PTDSS1: variants seen among roughly 807,000 people sequenced by gnomAD.
PTDSS1 encodes PSS-1.
A neutral mutation model predicts 70.5 loss-of-function variants in PTDSS1; 45 were observed. That is an observed-to-expected ratio of 0.64 (90% CI 0.50 to 0.82). The LOEUF (loss-of-function observed/expected upper bound fraction) is 0.82, where lower values mean the gene tolerates loss of function less well. PTDSS1 is among the 40% of genes least tolerant of loss of function. The probability of loss-of-function intolerance (pLI) is 0.00; values close to 1 mark genes in which losing one functional copy is unlikely to be tolerated. For synonymous variants in PTDSS1, 188 were observed against 203.8 expected, an observed-to-expected ratio of 0.92 and a Z score of 0.66; for missense variants, 417 against 586.1, an observed-to-expected ratio of 0.71 and a Z score of 2.98.
chr8:96,327,551 G>A (rs1294501487), intron 10 of PTDSS1, among the ~76,000 whole-genome samples: 1 of 152,128 alleles, frequency 6.6e-6, no homozygotes, highest in East Asian at 1.9e-4. Flanking sequence ...CAATAAGAGA[G>A]CTTCAAGTTA....
chr8:96,272,072 G>T (rs1468480773), intron 1 of PTDSS1, among the ~76,000 whole-genome samples: 1 of 151,936 alleles, frequency 6.6e-6, no homozygotes, highest in Admixed American at 6.6e-5. Flanking sequence ...GTGTTAATTT[G>T]TTCTTCCTGT....
chr8:96,330,334 C>G, intron 11 of PTDSS1, 53 bp downstream of exon 11: 2 of 1,533,706 alleles, frequency 1.3e-6, no homozygotes, highest in Non-Finnish European at 9.0e-7. Flanking sequence ...ACCCCGGGCT[C>G]GGCAAATTCG....
intron 7 of PTDSS1, among the ~76,000 whole-genome samples, chr8:96,305,848 T>A (rs796206721): frequency 2.6e-4 from 39 of 152,220 alleles, no homozygotes; most frequent in African/African-American, 8.9e-4. Context: ...CCACCATGCC[T>A]GTTTGTATTT....
At chr8:96,286,209 A>G (rs1005207183) in intron 3 of PTDSS1, among the ~76,000 whole-genome samples, 2 of 152,234 alleles carry the variant, frequency 1.3e-5, no homozygotes, top group Admixed American at 6.5e-5. Flanking sequence ...AATGTCCCGC[A>G]TAAACATTCT....
Position 96,336,449 on chromosome 8 carries a change from A to C in PTDSS1, c.*2883A>C, listed in dbSNP as rs1171193419. 1 of 151,938 alleles carries C rather than the reference A, an allele frequency of 6.6e-6. No individual in the cohort carries two copies. The highest frequency in any genetic ancestry group is 2.4e-5 in the African/African-American group (1 of 41,182). The allele number at this position is 151,938 out of a possible 1,614,324, so 9.4% of individuals were successfully genotyped here. A position where few individuals can be genotyped will look rare whatever the true frequency, so the allele number is the denominator to read the frequency against. ...GAGGTTGGACACAGAAGGGGAGGCT[A>C]AACACAAGGTGGGGAAGAAAAAATG... On this transcript the variant is annotated 3_prime_UTR_variant, in exon 13 of 13. Transcript: ENST00000517309.
At chr8:96,283,450 T>C (rs976140558) in intron 2 of PTDSS1, 2 of 152,240 alleles carry the variant, frequency 1.3e-5, no homozygotes, top group African/African-American at 4.8e-5. Context: ...TCACTTGTCT[T>C]AAGGGAAAGT....
chr8:96,298,168 A>T (rs1811001490), intron 5 of PTDSS1, among the ~76,000 whole-genome samples: 2 of 152,190 alleles, frequency 1.3e-5, no homozygotes, highest in African/African-American at 4.8e-5. Flanking sequence ...CTTCAAGGGT[A>T]GTACCAGGCC....
rs574728927 is a variant in PTDSS1 at position 96,319,584 on chromosome 8, A to G, written c.1074-662A>G. Among the ~76,000 whole-genome samples, 548 of 152,266 alleles carry G rather than the reference A, an allele frequency of 3.6e-3. 2 individuals carry two copies. Among genetic ancestry groups the G allele is most frequent in the African/African-American group, 0.012 (518 of 41,556 alleles). ...TATATTTTCACCAAAAACGGGGGCT[A>G]TTTCATCTGGAAATTCTTAGAAGGC... On this transcript the variant is annotated intron_variant, in intron 9 of 12. Coordinates refer to ENST00000517309, the MANE Select transcript of PTDSS1 (RefSeq NM_014754.3).
At chr8:96,276,496 G>T (rs944812157) in intron 2 of PTDSS1, among the ~76,000 whole-genome samples, 2 of 152,112 alleles carry the variant, frequency 1.3e-5, no homozygotes, top group Non-Finnish European at 2.9e-5. Context: ...ACGCACAAAG[G>T]GAGGAGGAGC....
intron 10 of PTDSS1, among the ~76,000 whole-genome samples, chr8:96,328,159 C>T (rs1811464959): frequency 6.6e-6 from 1 of 152,160 alleles, no homozygotes. Flanking sequence ...AAGAGCCCCG[C>T]GTGCCTGCCC....
chr8:96,320,195 A>T (rs751383695), intron 9 of PTDSS1, 51 bp from the exon 10 acceptor site: 1 of 1,451,604 alleles, frequency 6.9e-7, no homozygotes, highest in South Asian at 1.2e-5. Flanking sequence ...GATAAAGTGT[A>T]TGCTCTGGTA....
In PTDSS1 at chr8:96,262,338, C is replaced by A. The variant is rs1810419140; in HGVS notation, c.179+119C>A. On this transcript the variant is annotated intron_variant, in intron 1 of 12. Coordinates refer to ENST00000517309, the MANE Select transcript of PTDSS1 (RefSeq NM_014754.3). This position sits in a 1 kb window ranked among gnomAD's most constrained non-coding sequence, Gnocchi z 4.4. ...GTGAGGAAGTGGGCTGGCTGCTCCA[C>A]GCACACGCACTGGCAGCCCGCCGCC... 6.2e-6 allele frequency: 8 copies of A among 1,281,144 alleles called. No homozygotes were observed. The highest frequency in any genetic ancestry group is 8.4e-6 in the Non-Finnish European group (8 of 950,858). 79.4% of individuals were successfully genotyped at this position (1,281,144 alleles called of 1,614,324 possible).
intron 4 of PTDSS1, among the ~76,000 whole-genome samples, chr8:96,288,780 C>T (rs1810860893): frequency 6.6e-6 from 1 of 151,312 alleles, no homozygotes; most frequent in South Asian, 2.1e-4. Flanking sequence ...CAGGCATGCA[C>T]CATCACACTC....
Position 96,287,371 on chromosome 8 carries a change from C to T in PTDSS1, c.441+225C>T, listed in dbSNP as rs1810839156. On this transcript the variant is annotated intron_variant, in intron 4 of 12. Coordinates refer to ENST00000517309, the MANE Select transcript of PTDSS1 (RefSeq NM_014754.3). Reference sequence around the variant, plus strand: ...GCAAAGGGGTCTGTGAGGAAGAATGCACACTTTATCGTCAGACAGCCTTGG... The same window carrying T: ...GCAAAGGGGTCTGTGAGGAAGAATGTACACTTTATCGTCAGACAGCCTTGG... 7.7e-6 allele frequency: 4 copies of T among 521,414 alleles called. No homozygotes were observed. The Admixed American group carries it at 1.1e-4, about 14-fold the overall frequency. 32.3% of individuals were successfully genotyped at this position (521,414 alleles called of 1,614,324 possible). A position where few individuals can be genotyped will look rare whatever the true frequency, so the allele number is the denominator to read the frequency against.
chr8:96,281,635 G>A (rs1810738361), intron 2 of PTDSS1, among the ~76,000 whole-genome samples: 1 of 152,094 alleles, frequency 6.6e-6, no homozygotes, highest in South Asian at 2.1e-4. Context: ...AACACTCCTA[G>A]CTTGTTTCTT....
intron 6 of PTDSS1, among the ~76,000 whole-genome samples, chr8:96,300,496 A>G (rs1811035712): frequency 6.6e-6 from 1 of 151,954 alleles, no homozygotes; most frequent in Non-Finnish European, 1.5e-5. Flanking sequence ...TGCATACCCC[A>G]CTATGCTTCC....
At chr8:96,294,877 G>A (rs1810953225) in intron 4 of PTDSS1, among the ~76,000 whole-genome samples, 1 of 152,138 alleles carries the variant, frequency 6.6e-6, no homozygotes, top group African/African-American at 2.4e-5. Context: ...TCATTTTAAT[G>A]CAGCTTTTGC....
At chr8:96,294,184 G>A (rs955815999) in intron 4 of PTDSS1, among the ~76,000 whole-genome samples, 6 of 152,202 alleles carry the variant, frequency 3.9e-5, no homozygotes, top group African/African-American at 1.4e-4. Flanking sequence ...CTGATGTGTG[G>A]TGGGTTTCAG....
intron 4 of PTDSS1, among the ~76,000 whole-genome samples, chr8:96,292,005 G>A (rs1349696921): frequency 6.6e-6 from 1 of 152,148 alleles, no homozygotes; most frequent in African/African-American, 2.4e-5. Context: ...CTGGGGCTGA[G>A]CATGGTGGCT....
Sources: allele counts gnomAD v4.1 joint callset (sites outside exome capture counted in the v4.1 genomes callset), GRCh38; gene constraint gnomAD v4.1.1; non-coding constraint Gnocchi (gnomAD v3.1); transcripts MANE v1.5; gene names NCBI Gene and HGNC (gene_info 2026-07-23, HGNC 2026-07-21).